EYS: variants seen among roughly 807,000 people sequenced by gnomAD.
The protein encoded by EYS is EGF-like photoreceptor maintenance factor, also known as protein eyes shut homolog.
Under a neutral mutation model 282.1 loss-of-function variants are expected in EYS, and 250 were observed. The ratio of observed to expected loss-of-function variants is 0.89; its 90% confidence interval spans 0.80 to 0.98. The LOEUF (loss-of-function observed/expected upper bound fraction) is 0.98, where lower values mean the gene tolerates loss of function less well. EYS is among the 50% of genes least tolerant of loss of function. EYS has a pLI of 0.00. For missense variants in EYS, 4,016 were observed against 3,709.0 expected (o/e 1.08, Z -2.15); for synonymous variants, 1,355 against 1,282.9 (o/e 1.06, Z -1.20).
intron 12 of EYS, among the ~76,000 whole-genome samples, chr6:65,173,744 A>T (rs12209151): frequency 0.05 from 7,507 of 151,208 alleles, 349 homozygotes; most frequent in African/African-American, 0.13. Flanking sequence ...ACAATATATG[A>T]ATATATAGAT....
intron 12 of EYS, among the ~76,000 whole-genome samples, chr6:65,157,978 G>A (rs1764768151): frequency 6.6e-6 from 1 of 150,834 alleles, no homozygotes; most frequent in African/African-American, 2.4e-5. Context: ...TTAATGCTAT[G>A]TTATACTAGA....
At chr6:65,442,535 C>T (rs1247831539) in intron 5 of EYS, among the ~76,000 whole-genome samples, 7 of 151,686 alleles carry the variant, frequency 4.6e-5, no homozygotes, top group East Asian at 3.9e-4. Flanking sequence ...GGGCAGATCA[C>T]GAGGTCAGGA....
chr6:64,938,716 G>T (rs1439511090), intron 15 of EYS, among the ~76,000 whole-genome samples: 2 of 151,592 alleles, frequency 1.3e-5, no homozygotes, highest in Non-Finnish European at 3.0e-5. Flanking sequence ...TTCTGAGCAT[G>T]TTTAAGGGAG....
chr6:63,886,204 A>G (rs969842711), intron 35 of EYS, among the ~76,000 whole-genome samples: 21 of 152,352 alleles, frequency 1.4e-4, no homozygotes, highest in African/African-American at 4.6e-4. Context: ...TGGGCCATAC[A>G]AGGATCATCT....
rs528134909 is a variant in EYS at position 65,375,122 on chromosome 6, C to T, written c.1299+9264G>A. Among the ~76,000 whole-genome samples, 12 of 152,246 alleles carry T rather than the reference C, an allele frequency of 7.9e-5. No individual in the cohort carries two copies. The South Asian group carries it at 1.0e-3, about 13-fold the overall frequency. ...TCCCAACAGAGGTCGACAGACACCTCGTATGGGAGAGCTCTGGCTGGCATC... is the reference window on the plus strand; with the variant it reads ...TCCCAACAGAGGTCGACAGACACCTTGTATGGGAGAGCTCTGGCTGGCATC... On this transcript the variant is annotated intron_variant, in intron 8 of 42. Transcript: ENST00000503581.
intron 11 of EYS, among the ~76,000 whole-genome samples, chr6:65,318,997 C>A (rs945467492): frequency 3.3e-5 from 5 of 151,452 alleles, no homozygotes; most frequent in African/African-American, 4.9e-5. Context: ...TTATTTTCTA[C>A]TTTTGATTTG....
At chr6:65,628,380 C>G (rs9453353) in intron 2 of EYS, among the ~76,000 whole-genome samples, 4 of 152,154 alleles carry the variant, frequency 2.6e-5, no homozygotes, top group Admixed American at 1.3e-4. Context: ...AGAGGCCACT[C>G]GGCTCCACCA....
chr6:65,055,288 T>C (rs941932511), intron 13 of EYS, among the ~76,000 whole-genome samples: 1 of 152,122 alleles, frequency 6.6e-6, no homozygotes, highest in Admixed American at 6.6e-5. Context: ...CAGCCTAATG[T>C]AAAATATTTT....
rs146632206 is a variant in EYS at position 64,596,299 on chromosome 6, C to T, written c.3685-2990G>A. Among the ~76,000 whole-genome samples, 84 of 152,212 alleles carry T rather than the reference C, an allele frequency of 5.5e-4. 2 individuals are homozygous for T. The highest frequency in any genetic ancestry group is 3.4e-3 in the Middle Eastern group (1 of 294). Reference sequence around the variant, plus strand: ...GAATGACCATGCTATTCAAAGCAATCTACAGATTCAAAGAAATCTCTATCA... The same window carrying T: ...GAATGACCATGCTATTCAAAGCAATTTACAGATTCAAAGAAATCTCTATCA... On this transcript the variant is annotated intron_variant, in intron 24 of 42. Transcript: ENST00000503581.
At chr6:64,550,178 A>G (rs1340239115) in intron 26 of EYS, among the ~76,000 whole-genome samples, 1 of 152,152 alleles carries the variant, frequency 6.6e-6, no homozygotes, top group Non-Finnish European at 1.5e-5. Flanking sequence ...GCTATTGTGA[A>G]TAGTGGCGCA....
intron 33 of EYS, among the ~76,000 whole-genome samples, chr6:64,042,806 A>ACTTGC (rs1430848039): frequency 3.3e-5 from 5 of 152,200 alleles, no homozygotes; most frequent in Admixed American, 2.0e-4. Flanking sequence ...GTCTCGGCTG[A>ACTTGC]CTTGCCTCTA....
chr6:65,405,411 G>A lies in EYS; in HGVS notation c.863-44C>T, dbSNP rs777734867. On this transcript the variant is annotated intron_variant, in intron 5 of 42. Coordinates refer to ENST00000503581, the MANE Select transcript of EYS (RefSeq NM_001142800.2). The stretch of plus-strand genomic sequence containing the variant: ...AAGAAAAAAAAAGAAAAGGAAGGAA[G>A]GAAAGAAGAAATGAGCATAGATATG... 8 of 1,480,840 alleles carry A rather than the reference G, an allele frequency of 5.4e-6. No individual in the cohort carries two copies. The Admixed American group carries it at 7.1e-5, about 13-fold the overall frequency. 91.7% of individuals were successfully genotyped at this position (1,480,840 alleles called of 1,614,324 possible). A position where few individuals can be genotyped will look rare whatever the true frequency, so the allele number is the denominator to read the frequency against.
intron 1 of EYS, among the ~76,000 whole-genome samples, chr6:65,672,024 C>A (rs569299148): frequency 6.6e-6 from 1 of 152,222 alleles, no homozygotes; most frequent in Non-Finnish European, 1.5e-5. Flanking sequence ...AACAGTTTCA[C>A]CTGACTTGGC....
intron 30 of EYS, among the ~76,000 whole-genome samples, chr6:64,294,097 G>GGTGAAAGTA (rs3072590): frequency 0.98 from 149,727 of 152,250 alleles, 73,637 homozygotes; most frequent in East Asian, 1. Flanking sequence ...TTAATCCAAA[G>GGTGAAAGTA]TTTGTCATAT....
At chr6:64,397,848 G>C (rs527660504) in intron 28 of EYS, among the ~76,000 whole-genome samples, 1 of 151,538 alleles carries the variant, frequency 6.6e-6, no homozygotes, top group African/African-American at 2.4e-5. Context: ...TCTAACATGC[G>C]CTTTCAGGAT....
chr6:65,124,489 A>T (rs1305076434), intron 12 of EYS, among the ~76,000 whole-genome samples: 1 of 152,144 alleles, frequency 6.6e-6, no homozygotes, highest in East Asian at 1.9e-4. Context: ...TAAAAAATGG[A>T]GTTTTGTACT....
intron 29 of EYS, among the ~76,000 whole-genome samples, chr6:64,365,356 CAAG>C (rs991671388): frequency 4.3e-4 from 65 of 152,070 alleles, no homozygotes; most frequent in African/African-American, 1.4e-3. Flanking sequence ...AGCAGAGACT[CAAG>C]AGAGCTCTTA....
intron 22 of EYS, among the ~76,000 whole-genome samples, chr6:64,655,777 CT>C (rs1182422745): frequency 3.3e-5 from 5 of 151,934 alleles, no homozygotes; most frequent in Non-Finnish European, 5.9e-5. Context: ...TCATACAGCT[CT>C]TACTTTATTT....
At position 64,138,280 on chromosome 6, in the gene EYS, A is replaced by G. The variant is rs528917734; in HGVS notation, c.6425-56278T>C. 1.1e-4 allele frequency among the ~76,000 whole-genome samples: 17 copies of G among 152,312 alleles called. No individual in the cohort carries two copies. The East Asian group carries it at 2.3e-3, about 21-fold the overall frequency. Reference sequence around the variant, plus strand: ...GCTAAATGGGAACATAAAACTCAAAATAATCTTTCTGGTATACCTATTTTA... The same window carrying G: ...GCTAAATGGGAACATAAAACTCAAAGTAATCTTTCTGGTATACCTATTTTA... On this transcript the variant is annotated intron_variant, in intron 31 of 42. Transcript: ENST00000503581.
Sources: gnomAD v4.1 joint callset for allele counts (sites outside exome capture counted in the v4.1 genomes callset) on GRCh38, gnomAD v4.1.1 for gene constraint, MANE v1.5 for transcripts, NCBI Gene and HGNC (gene_info 2026-07-23, HGNC 2026-07-21) for gene names.